IFT43: variants seen among roughly 807,000 people sequenced by gnomAD.
IFT43 encodes the protein intraflagellar transport 43.
In IFT43, 33 loss-of-function variants were observed where a neutral mutation model predicts 32.3. The ratio of observed to expected loss-of-function variants is 1.02; its 90% CI spans 0.77 to 1.37. IFT43 has a LOEUF of 1.37. Ranked by LOEUF, IFT43 falls within the 40% of genes most tolerant of loss-of-function variation. The pLI is 0.00. For synonymous variants in IFT43, 93 were observed against 98.2 expected (o/e 0.95, Z 0.31); for missense variants, 274 against 265.9 (o/e 1.03, Z -0.21).
At position 76,059,312 on chromosome 14, in the gene IFT43, C is replaced by T; in HGVS notation, c.249-15C>T. On this transcript the variant is annotated splice_polypyrimidine_tract_variant and intron_variant, in intron 4 of 8. Coordinates refer to ENST00000314067, the MANE Select transcript of IFT43 (RefSeq NM_001102564.3). ...ACTCATTTTTTGCTGTCCTTTTCTT[C>T]TTTTTTGGGGGCAGTTTCCGCCTCA... The T allele has an allele frequency of 4.3e-6, 7 of 1,613,952 alleles. No homozygotes were observed. The highest frequency in any genetic ancestry group is 5.9e-6 in the Non-Finnish European group (7 of 1,179,866).
At chr14:76,002,065 T>C (rs2035896135) in intron 2 of IFT43, among the ~76,000 whole-genome samples, 1 of 152,132 alleles carries the variant, frequency 6.6e-6, no homozygotes, top group Non-Finnish European at 1.5e-5. Flanking sequence ...CTGACCAACA[T>C]GGTGAAACCC....
Position 76,082,634 on chromosome 14 carries a change from T to G in IFT43, c.386T>G (p.Val129Gly). 6.2e-7 allele frequency: 1 copy of G among 1,614,046 alleles called. No individual in the cohort carries two copies. The highest frequency in any genetic ancestry group is 8.5e-7 in the Non-Finnish European group (1 of 1,180,010). ...TCCTTCAGCATCCAGATAAAGCGGG[T>G]GATGACCTACCGTGACCTGGACAAT... The part of the protein sequence containing the change: ...AAPPSIQIKR[V>G]MTYRDLDNDL... The change falls in exon 7 of 9, where the codon GTG (valine) becomes GGG (glycine). Residue 129 changes from valine (V) to glycine (G), a missense_variant. Coordinates refer to ENST00000314067, the MANE Select transcript of IFT43 (RefSeq NM_001102564.3).
At chr14:76,027,550 A>G (rs1442324051) in intron 3 of IFT43, among the ~76,000 whole-genome samples, 4 of 152,098 alleles carry the variant, frequency 2.6e-5, no homozygotes, top group Non-Finnish European at 5.9e-5. Context: ...TCTACTAAAA[A>G]TGCAAAAAAT....
At chr14:76,073,750 C>T (rs1463507412) in intron 5 of IFT43, among the ~76,000 whole-genome samples, 2 of 152,190 alleles carry the variant, frequency 1.3e-5, no homozygotes, top group Non-Finnish European at 2.9e-5. Flanking sequence ...GAGACACCAT[C>T]ATTTAAAAGT....
chr14:76,083,231 G>A lies in IFT43; in HGVS notation c.449G>A (p.Gly150Glu), dbSNP rs750025929. The A allele has an allele frequency of 6.8e-6, 11 of 1,614,100 alleles. No individual in the cohort carries two copies. In the South Asian group the frequency reaches 9.9e-5, roughly 15 times the overall value. Residue 150 changes from glycine (G) to glutamate (E), a missense_variant, in exon 8 of 9, where the codon GGG (glycine) becomes GAG (glutamate). Transcript: ENST00000314067. ...TTTTTTTGTTTGCATTCACAGGATG[G>A]GGAGATCGACCTGAAACTCCTCACC... ...MKYSAIQTLDGEIDLKLLTKV... is the reference protein window; with the variant it reads ...MKYSAIQTLDEEIDLKLLTKV...
intron 1 of IFT43, chr14:75,986,138 G>T (rs1446638878): frequency 1.4e-6 from 2 of 1,385,338 alleles, no homozygotes; most frequent in Non-Finnish European, 1.9e-6. Context: ...CCCCGAGTGC[G>T]AACTTCCCCA....
intron 5 of IFT43, among the ~76,000 whole-genome samples, chr14:76,062,917 C>CAAAAAAAA (rs746158153): frequency 2.8e-5 from 2 of 72,474 alleles, no homozygotes; most frequent in African/African-American, 5.9e-5. Flanking sequence ...GATCCCATCT[C>CAAAAAAAA]AAAAAAAAAA....
intron 5 of IFT43, 51 bp downstream of exon 5, chr14:76,059,424 C>T: frequency 6.4e-7 from 1 of 1,554,558 alleles, no homozygotes; most frequent in Non-Finnish European, 8.9e-7. Flanking sequence ...GGCCCCAGAA[C>T]ATTTCCTGGG....
chr14:76,021,668 A>G (rs1367433324), intron 2 of IFT43, among the ~76,000 whole-genome samples: 1 of 152,180 alleles, frequency 6.6e-6, no homozygotes, highest in Non-Finnish European at 1.5e-5. Flanking sequence ...GGTTGTTTCT[A>G]GCTATTCACT....
intron 3 of IFT43, among the ~76,000 whole-genome samples, chr14:76,023,516 G>A (rs2036333158): frequency 6.6e-6 from 1 of 152,212 alleles, no homozygotes; most frequent in Non-Finnish European, 1.5e-5. Flanking sequence ...TCATTGTGAG[G>A]ATTAAATGAA....
intron 3 of IFT43, among the ~76,000 whole-genome samples, chr14:76,035,313 T>C (rs1017484659): frequency 8.5e-5 from 13 of 152,336 alleles, no homozygotes; most frequent in South Asian, 6.2e-4. Flanking sequence ...TAAATCTCCA[T>C]TGGCTGCTCA....
chr14:76,063,910 G>A (rs1347756234), intron 5 of IFT43, among the ~76,000 whole-genome samples: 1 of 152,200 alleles, frequency 6.6e-6, no homozygotes, highest in Non-Finnish European at 1.5e-5. Flanking sequence ...GAGTCTGCAT[G>A]AATTTAAGTA....
intron 2 of IFT43, among the ~76,000 whole-genome samples, chr14:76,017,923 T>G (rs1022302300): frequency 2.0e-5 from 3 of 152,086 alleles, no homozygotes; most frequent in African/African-American, 7.2e-5. Flanking sequence ...TGATTTTATT[T>G]ATTTGGGTCT....
At chr14:76,018,629 C>G (rs1308871941) in intron 2 of IFT43, among the ~76,000 whole-genome samples, 3 of 152,094 alleles carry the variant, frequency 2.0e-5, no homozygotes, top group African/African-American at 7.2e-5. Context: ...GATGATCTCT[C>G]CAGTGCTGAC....
At chr14:76,046,683 A>G (rs2036814638) in intron 3 of IFT43, among the ~76,000 whole-genome samples, 1 of 152,222 alleles carries the variant, frequency 6.6e-6, no homozygotes, top group South Asian at 2.1e-4. Flanking sequence ...CTTTGCCTGA[A>G]TTAACTTACT....
intron 3 of IFT43, among the ~76,000 whole-genome samples, chr14:76,048,771 C>T (rs796736999): frequency 7.9e-5 from 12 of 152,196 alleles, no homozygotes; most frequent in African/African-American, 7.2e-5. Flanking sequence ...AAAGAGCCCA[C>T]GTGTTGAAGT....
At chr14:76,054,210 G>A (rs1037801240) in intron 3 of IFT43, among the ~76,000 whole-genome samples, 3 of 152,150 alleles carry the variant, frequency 2.0e-5, no homozygotes, top group East Asian at 3.8e-4. Context: ...AAAAGCTTCC[G>A]GGAATGAGTC....
intron 1 of IFT43, chr14:75,986,320 G>A: frequency 8.1e-6 from 10 of 1,230,300 alleles, no homozygotes; most frequent in South Asian, 2.8e-5. Flanking sequence ...TAATCCCCGT[G>A]GGGAGGTGGG....
chr14:76,050,990 AG>A (rs2036903635), intron 3 of IFT43, among the ~76,000 whole-genome samples: 1 of 151,886 alleles, frequency 6.6e-6, no homozygotes, highest in African/African-American at 2.4e-5. Flanking sequence ...TGTGAGCAGC[AG>A]GGGGCAACAT....
Sources: allele counts gnomAD v4.1 joint callset (sites outside exome capture counted in the v4.1 genomes callset), GRCh38; gene constraint gnomAD v4.1.1; transcripts MANE v1.5; gene names NCBI Gene and HGNC (gene_info 2026-07-23, HGNC 2026-07-21).